CSNK2A1: variants seen among roughly 807,000 people sequenced by gnomAD.
CSNK2A1 encodes the protein casein kinase II subunit alpha.
Under a neutral mutation model 62.9 loss-of-function variants are expected in CSNK2A1, and 10 were observed. That is an observed-to-expected ratio of 0.16 (90% CI 0.10 to 0.27). The LOEUF is 0.27. Ranked by LOEUF, CSNK2A1 falls within the 10% of genes least tolerant of loss-of-function variation. CSNK2A1 has a pLI of 1.00. For missense variants in CSNK2A1, 160 were observed against 492.0 expected (o/e 0.33, Z 6.38); for synonymous variants, 124 against 167.8 (o/e 0.74, Z 2.02).
chr20:513,685 C>A (rs1442676485), intron 2 of CSNK2A1, among the ~76,000 whole-genome samples: 1 of 152,068 alleles, frequency 6.6e-6, no homozygotes, highest in East Asian at 1.9e-4. Flanking sequence ...GTTTCAAGGC[C>A]CTGGCATCCT....
chr20:516,233 A>G (rs142844546), intron 2 of CSNK2A1, among the ~76,000 whole-genome samples: 4 of 152,332 alleles, frequency 2.6e-5, no homozygotes, highest in South Asian at 2.1e-4. Context: ...ATGTAATTGC[A>G]TAAAAGGAGG....
intron 2 of CSNK2A1, among the ~76,000 whole-genome samples, chr20:525,663 A>G (rs1189507143): frequency 3.4e-5 from 5 of 147,324 alleles, no homozygotes; most frequent in Non-Finnish European, 7.5e-5. Flanking sequence ...AAAAAAAAAA[A>G]AAAAGAAAAA....
rs1390413930 is a variant in CSNK2A1, at chr20:477,470, TTAACCTCATCACCCAGAGGCAACAACAGC to T, written c.*6462_*6490del. The stretch of plus-strand genomic sequence containing the variant: ...AGGTGTGTGGGCCTTCCGTGGTATC[TTAACCTCATCACCCAGAGGCAACAACAGC>T]TAGTATTCTTCTAGTTTTTACCACC... On this transcript the variant is annotated 3_prime_UTR_variant, in exon 14 of 14. Transcript: ENST00000217244. 1 of 152,340 alleles carries T rather than the reference TTAACCTCATCACCCAGAGGCAACAACAGC, an allele frequency of 6.6e-6. No individual in the cohort carries two copies. 9.4% of individuals were successfully genotyped at this position (152,340 alleles called of 1,614,324 possible). A position where few individuals can be genotyped will look rare whatever the true frequency, so the allele number is the denominator to read the frequency against.
intron 13 of CSNK2A1, among the ~76,000 whole-genome samples, chr20:485,001 A>G (rs1031577682): frequency 7.7e-6 from 1 of 129,958 alleles, no homozygotes; most frequent in African/African-American, 2.9e-5. Context: ...CGGGAGGCGG[A>G]GGCTGCAGCA....
chr20:485,109 A>ATAT (rs1366439608), intron 13 of CSNK2A1, among the ~76,000 whole-genome samples: 1 of 24,666 alleles, frequency 4.1e-5, no homozygotes, highest in African/African-American at 1.4e-4. Flanking sequence ...AAAAAAAAAA[A>ATAT]ATATATATAT....
chr20:525,132 T>TA (rs112320547), intron 2 of CSNK2A1, among the ~76,000 whole-genome samples: 13 of 151,124 alleles, frequency 8.6e-5, no homozygotes, highest in Admixed American at 2.6e-4. Context: ...AAATTTTAAA[T>TA]AAAAAAAAAC....
intron 1 of CSNK2A1, among the ~76,000 whole-genome samples, chr20:531,346 C>A (rs2019208594): frequency 6.6e-6 from 1 of 152,048 alleles, no homozygotes; most frequent in South Asian, 2.1e-4. Flanking sequence ...ATGGAGATAC[C>A]ACACGTAAAC....
intron 7 of CSNK2A1, chr20:496,411 C>T (rs2018347553): frequency 6.6e-6 from 1 of 152,564 alleles, no homozygotes; most frequent in Admixed American, 6.5e-5. Context: ...TTTGCCAATG[C>T]CTGATTTAGG....
At position 473,332 on chromosome 20, in the gene CSNK2A1, G is replaced by A. The variant is rs2017788183; in HGVS notation, c.*10629C>T. 1 of 152,502 alleles carries A rather than the reference G, an allele frequency of 6.6e-6. No homozygotes were observed. The highest frequency in any genetic ancestry group is 2.1e-4 in the South Asian group (1 of 4,826). The allele number at this position is 152,502 out of a possible 1,614,324, so 9.4% of individuals were successfully genotyped here. A position where few individuals can be genotyped will look rare whatever the true frequency, so the allele number is the denominator to read the frequency against. On this transcript the variant is annotated 3_prime_UTR_variant, in exon 14 of 14. Coordinates refer to ENST00000217244, the MANE Select transcript of CSNK2A1 (RefSeq NM_177559.3). ...CTGATCAAGTCTCAGTCTCTGTCAG[G>A]CCCTTTGTGTCTCTGATTTTGGGGT...
Position 478,006 on chromosome 20 carries a change from A to AT in CSNK2A1, c.*5954dup, listed in dbSNP as rs1169083384. The AT allele has an allele frequency of 6.7e-6, 1 of 149,242 alleles. No individual in the cohort carries two copies. Among genetic ancestry groups the AT allele is most frequent in the Non-Finnish European group, 1.5e-5 (1 of 67,806 alleles). The allele number at this position is 149,242 out of a possible 1,614,324, so 9.2% of individuals were successfully genotyped here. The stretch of plus-strand genomic sequence containing the variant: ...TTCTTTCTCTGAAATAGGCATTTGC[A>AT]TTTTTCCTAGGATTTTTTTTTTAAA... On this transcript the variant is annotated 3_prime_UTR_variant, in exon 14 of 14. Coordinates refer to ENST00000217244, the MANE Select transcript of CSNK2A1 (RefSeq NM_177559.3).
chr20:508,355 T>C (rs2018648213), intron 3 of CSNK2A1, 96 bp downstream of exon 3: 1 of 1,392,698 alleles, frequency 7.2e-7, no homozygotes, highest in East Asian at 2.4e-5. Context: ...GGTATACACA[T>C]ACAGAGTCAC....
intron 1 of CSNK2A1, among the ~76,000 whole-genome samples, chr20:537,637 C>T (rs1021002956): frequency 8.5e-5 from 13 of 152,306 alleles, no homozygotes; most frequent in African/African-American, 2.9e-4. Context: ...ATTTGAAAAG[C>T]TGGCTGGCCT....
At chr20:519,676 T>G (rs756896643) in intron 2 of CSNK2A1, among the ~76,000 whole-genome samples, 8 of 152,128 alleles carry the variant, frequency 5.3e-5, no homozygotes, top group Non-Finnish European at 1.2e-4. Context: ...TGCAGTGTGC[T>G]GAAAAAAATA....
At chr20:493,206 C>T (rs896852921) in intron 8 of CSNK2A1, among the ~76,000 whole-genome samples, 1 of 152,094 alleles carries the variant, frequency 6.6e-6, no homozygotes, top group Non-Finnish European at 1.5e-5. Flanking sequence ...TTCTTGATTC[C>T]CTCAGACCTC....
intron 1 of CSNK2A1, among the ~76,000 whole-genome samples, chr20:532,330 A>ATTTTTTTTT (rs138287291): frequency 3.3e-5 from 4 of 121,998 alleles, no homozygotes; most frequent in Non-Finnish European, 5.0e-5. Context: ...TGCCCGGCTA[A>ATTTTTTTTT]TTTTTTTTTT....
At chr20:526,968 TGA>T (rs1158363876) in intron 2 of CSNK2A1, 10 of 51,328 alleles carry the variant, frequency 1.9e-4, no homozygotes, top group Non-Finnish European at 2.5e-4. Context: ...AAAGAAAGAA[TGA>T]GAGAGAGAGA....
At chr20:505,869 A>ATTTTTTTTTTTTTTTTTTTTTTTT (rs11483032) in intron 3 of CSNK2A1, 1 of 91,992 alleles carries the variant, frequency 1.1e-5, no homozygotes, top group African/African-American at 4.6e-5. Context: ...CAAGAGAATA[A>ATTTTTTTTTTTTTTTTTTTTTTTT]TTTTTTTTTT....
rs1437356191 is a variant in CSNK2A1 at position 488,872 on chromosome 20, C to G, written c.724-94G>C. 4.2e-6 allele frequency: 5 copies of G among 1,194,196 alleles called. No homozygotes were observed. The Admixed American group carries it at 8.0e-5, about 19-fold the overall frequency. 74.0% of individuals were successfully genotyped at this position (1,194,196 alleles called of 1,614,324 possible). A position where few individuals can be genotyped will look rare whatever the true frequency, so the allele number is the denominator to read the frequency against. On this transcript the variant is annotated intron_variant, in intron 10 of 13. Transcript: ENST00000217244. The stretch of plus-strand genomic sequence containing the variant: ...GATTGAATTTACATAAACGGGTCAT[C>G]ATGTCTACAGGTATGAATGCTACCT...
At chr20:525,674 A>G (rs2019069044) in intron 2 of CSNK2A1, among the ~76,000 whole-genome samples, 1 of 147,820 alleles carries the variant, frequency 6.8e-6, no homozygotes, top group Admixed American at 6.7e-5. Context: ...AAAAGAAAAA[A>G]AAAATAATAA....
Sources: gnomAD v4.1 joint callset for allele counts (sites outside exome capture counted in the v4.1 genomes callset) on GRCh38, gnomAD v4.1.1 for gene constraint, MANE v1.5 for transcripts, NCBI Gene and HGNC (gene_info 2026-07-23, HGNC 2026-07-21) for gene names.